The following ITPK1 variants were observed in gnomAD, a reference collection of about 807,000 sequenced individuals.
The protein encoded by ITPK1 is inositol-tetrakisphosphate 1-kinase.
ITPK1 carries 21 observed loss-of-function variants against 45.3 expected under a neutral mutation model. That is an observed-to-expected ratio of 0.46 (90% confidence interval 0.33 to 0.67). The LOEUF is 0.67. ITPK1 is among the 30% of genes least tolerant of loss of function. ITPK1 has a pLI of 0.02. For synonymous variants in ITPK1, 258 were observed against 253.6 expected (o/e 1.02, Z -0.16); for missense variants, 474 against 573.5 (o/e 0.83, Z 1.77).
chr14:93,042,355 C>T (rs151060503), intron 3 of ITPK1, among the ~76,000 whole-genome samples: 5 of 152,204 alleles, frequency 3.3e-5, no homozygotes, highest in Admixed American at 6.5e-5. Context: ...CAAGCAGCTT[C>T]GACCCTAATC....
At chr14:92,974,242 G>A (rs987347186) in intron 5 of ITPK1, among the ~76,000 whole-genome samples, 1 of 152,220 alleles carries the variant, frequency 6.6e-6, no homozygotes, top group Non-Finnish European at 1.5e-5. Context: ...GGGCGCTTCC[G>A]AAAGGATGGA....
chr14:92,967,699 C>T (rs756082569), intron 5 of ITPK1, among the ~76,000 whole-genome samples: 1 of 152,206 alleles, frequency 6.6e-6, no homozygotes, highest in Non-Finnish European at 1.5e-5. Context: ...GTGACCTACC[C>T]ATACAATGGA....
chr14:92,970,658 C>T (rs1399747497), intron 5 of ITPK1, among the ~76,000 whole-genome samples: 3 of 148,674 alleles, frequency 2.0e-5, no homozygotes, highest in Non-Finnish European at 3.0e-5. Flanking sequence ...TTTTTTGAGA[C>T]GGAGTCTCGC....
chr14:92,980,501 GGCCTTTCTTACCT>G (rs1466199390), intron 5 of ITPK1, among the ~76,000 whole-genome samples: 1 of 152,044 alleles, frequency 6.6e-6, no homozygotes, highest in Non-Finnish European at 1.5e-5. Context: ...GTGATAACTT[GGCCTTTCTTACCT>G]GCCTGGCCTT....
intron 2 of ITPK1, among the ~76,000 whole-genome samples, chr14:93,089,418 C>T (rs1475774045): frequency 6.6e-6 from 1 of 152,156 alleles, no homozygotes; most frequent in Non-Finnish European, 1.5e-5. Context: ...TAGATTTCAG[C>T]TCAACCATAG....
intron 3 of ITPK1, among the ~76,000 whole-genome samples, chr14:93,050,834 G>T (rs1327910099): frequency 6.6e-6 from 1 of 151,858 alleles, no homozygotes; most frequent in Non-Finnish European, 1.5e-5. Flanking sequence ...GAGGAAGTGA[G>T]TGTCACTGGC....
intron 2 of ITPK1, among the ~76,000 whole-genome samples, chr14:93,086,062 C>T (rs1291556507): frequency 6.6e-6 from 1 of 152,136 alleles, no homozygotes; most frequent in Admixed American, 6.5e-5. Flanking sequence ...CTTCTTAATC[C>T]CAAGAATGCA....
intron 2 of ITPK1, among the ~76,000 whole-genome samples, chr14:93,110,172 C>T (rs1309284362): frequency 6.6e-6 from 1 of 152,146 alleles, no homozygotes; most frequent in African/African-American, 2.4e-5. Flanking sequence ...TCAATAGATC[C>T]ATGTGCACAC....
Position 93,076,591 on chromosome 14 carries a change from T to C in ITPK1, c.120+4A>G. ...AGAACCACGGGGACGCGGTCTGTAC[T>C]CACCTGCACAACCTCCATCCCTCGC... On this transcript the variant is annotated splice_donor_region_variant and intron_variant, in intron 3 of 10. Transcript: ENST00000267615. This position sits in a 1 kb window ranked among gnomAD's most constrained non-coding sequence, Gnocchi z 4.3. 1 of 1,614,102 alleles carries C rather than the reference T, an allele frequency of 6.2e-7. No homozygotes were observed. The highest frequency in any genetic ancestry group is 1.1e-5 in the South Asian group (1 of 91,078).
intron 2 of ITPK1, among the ~76,000 whole-genome samples, chr14:93,109,693 T>C (rs575754324): frequency 5.8e-4 from 89 of 152,318 alleles, no homozygotes; most frequent in African/African-American, 2.1e-3. Flanking sequence ...AGATGGGCCA[T>C]GTGCTGAAGG....
At chr14:92,959,269 C>T (rs1360074997) in intron 7 of ITPK1, among the ~76,000 whole-genome samples, 6 of 152,202 alleles carry the variant, frequency 3.9e-5, no homozygotes, top group African/African-American at 1.4e-4. Flanking sequence ...AGGGTCATGG[C>T]TAATCCCTCA....
intron 9 of ITPK1, among the ~76,000 whole-genome samples, chr14:92,950,415 G>C (rs986012717): frequency 6.6e-6 from 1 of 152,274 alleles, no homozygotes; most frequent in Non-Finnish European, 1.5e-5. Flanking sequence ...CAGTGGAAAA[G>C]GTGGTGCTGA....
At chr14:93,001,654 C>T (rs1887360651) in intron 4 of ITPK1, among the ~76,000 whole-genome samples, 1 of 152,188 alleles carries the variant, frequency 6.6e-6, no homozygotes, top group Non-Finnish European at 1.5e-5. Context: ...TCAGCTACCC[C>T]ACTAACACCA....
At chr14:93,102,357 G>A (rs928804197) in intron 2 of ITPK1, among the ~76,000 whole-genome samples, 2 of 152,260 alleles carry the variant, frequency 1.3e-5, no homozygotes, top group African/African-American at 4.8e-5. Context: ...TCTCCAACAC[G>A]ATCCCAATGC....
intron 4 of ITPK1, among the ~76,000 whole-genome samples, chr14:93,006,496 A>G (rs1887622941): frequency 6.6e-6 from 1 of 152,222 alleles, no homozygotes; most frequent in African/African-American, 2.4e-5. Context: ...GTGATTCTGC[A>G]TGCAGACCCC....
At chr14:93,081,784 C>T (rs148347238) in intron 2 of ITPK1, among the ~76,000 whole-genome samples, 112 of 152,266 alleles carry the variant, frequency 7.4e-4, no homozygotes, top group African/African-American at 2.2e-3. Flanking sequence ...TCTCAGGGGG[C>T]GGGGGCTGAG....
chr14:92,991,045 C>A (rs1316135845), intron 5 of ITPK1, among the ~76,000 whole-genome samples: 1 of 152,122 alleles, frequency 6.6e-6, no homozygotes, highest in African/African-American at 2.4e-5. Flanking sequence ...GGGGTGACAA[C>A]CGGAGGAAGT....
intron 2 of ITPK1, among the ~76,000 whole-genome samples, chr14:93,097,252 T>C (rs1285332556): frequency 1.3e-5 from 2 of 151,928 alleles, no homozygotes; most frequent in Non-Finnish European, 2.9e-5. Flanking sequence ...CGCCAAGGGG[T>C]AAAGTTTATT....
chr14:92,951,876 C>T (rs1887968619), intron 9 of ITPK1, 70 bp downstream of exon 9: 2 of 1,267,620 alleles, frequency 1.6e-6, no homozygotes, highest in South Asian at 1.3e-5. Context: ...GACCCCATGG[C>T]CACAGCAGCC....
Sources: allele counts gnomAD v4.1 joint callset (sites outside exome capture counted in the v4.1 genomes callset), GRCh38; gene constraint gnomAD v4.1.1; non-coding constraint Gnocchi (gnomAD v3.1); transcripts MANE v1.5; gene names NCBI Gene and HGNC (gene_info 2026-07-23, HGNC 2026-07-21).